Variants in AUTS2 observed in about 807,000 individuals in gnomAD.
The protein encoded by AUTS2 is activator of transcription and developmental regulator AUTS2, also known as autism susceptibility gene 2 protein.
A neutral mutation model predicts 112.4 loss-of-function variants in AUTS2; 17 were observed. The ratio of observed to expected loss-of-function variants is 0.15; its 90% CI spans 0.10 to 0.23. AUTS2 has a LOEUF of 0.23. Among genes scored for constraint, AUTS2 ranks in the 10% least tolerant of loss-of-function variants. The pLI is 1.00. For synonymous variants in AUTS2, 751 were observed against 702.7 expected, an observed-to-expected ratio of 1.07 and a Z score of -1.09; for missense variants, 1,510 against 1,701.6, an observed-to-expected ratio of 0.89 and a Z score of 1.98.
chr7:70,475,087 C>A (rs1034260124), intron 5 of AUTS2, among the ~76,000 whole-genome samples: 5 of 152,210 alleles, frequency 3.3e-5, no homozygotes, highest in Non-Finnish European at 5.9e-5. Flanking sequence ...TGCCCAGGGG[C>A]CTGGCATGTT....
chr7:70,539,414 T>C (rs1179130147), intron 5 of AUTS2, among the ~76,000 whole-genome samples: 1 of 152,188 alleles, frequency 6.6e-6, no homozygotes, highest in African/African-American at 2.4e-5. Context: ...AAAAGCCCTG[T>C]GGAACTAGGT....
chr7:70,492,761 G>A (rs1437534694), intron 5 of AUTS2, among the ~76,000 whole-genome samples: 1 of 152,144 alleles, frequency 6.6e-6, no homozygotes, highest in African/African-American at 2.4e-5. Context: ...CAAGACGAAA[G>A]GCCTTGGCTT....
At chr7:70,560,429 A>G (rs1029948506) in intron 5 of AUTS2, among the ~76,000 whole-genome samples, 2 of 152,252 alleles carry the variant, frequency 1.3e-5, no homozygotes, top group Non-Finnish European at 2.9e-5. Flanking sequence ...ATGGTCTTCC[A>G]TTGGAAAATC....
chr7:70,242,398 T>G (rs1812664594), intron 4 of AUTS2, among the ~76,000 whole-genome samples: 1 of 152,222 alleles, frequency 6.6e-6, no homozygotes, highest in Admixed American at 6.5e-5. Flanking sequence ...TTCTGTTTCT[T>G]CCTTCTTCCA....
At chr7:70,062,457 G>A (rs1342055714) in intron 2 of AUTS2, among the ~76,000 whole-genome samples, 2 of 150,274 alleles carry the variant, frequency 1.3e-5, no homozygotes, top group Non-Finnish European at 2.9e-5. Context: ...AGGTTGCAGT[G>A]AGCCAAGATC....
chr7:69,881,457 A>G (rs1794043441), intron 1 of AUTS2, among the ~76,000 whole-genome samples: 1 of 151,934 alleles, frequency 6.6e-6, no homozygotes, highest in Non-Finnish European at 1.5e-5. Context: ...CTATTTTTGT[A>G]TGCATTTATT....
chr7:70,352,759 G>A (rs927125606), intron 4 of AUTS2, among the ~76,000 whole-genome samples: 3 of 152,080 alleles, frequency 2.0e-5, no homozygotes, highest in African/African-American at 7.2e-5. Flanking sequence ...GAAATGCTTC[G>A]TTTAAAAAAA....
rs1218880744 is a variant in AUTS2, at chr7:69,972,670, CATGTGTGT to C, written c.522+73173_522+73180del. 2.9e-4 allele frequency among the ~76,000 whole-genome samples: 32 copies of C among 111,642 alleles called. No homozygotes were observed. In the South Asian group the frequency reaches 5.2e-3, roughly 18 times the overall value. The allele number at this position is 111,642 out of a possible 152,430, so 73.2% of individuals were successfully genotyped here. A position where few individuals can be genotyped will look rare whatever the true frequency, so the allele number is the denominator to read the frequency against. On this transcript the variant is annotated intron_variant, in intron 2 of 18. Transcript: ENST00000342771. ...GTTTTTCTTTGTGTGTGTGTGCGTGCATGTGTGTGTGTGTGTGTGTGTGTGTGTGTGCA... is the reference window on the plus strand; with the variant it reads ...GTTTTTCTTTGTGTGTGTGTGCGTGCGTGTGTGTGTGTGTGTGTGTGTGCA...
At chr7:70,052,269 A>G (rs1482629221) in intron 2 of AUTS2, among the ~76,000 whole-genome samples, 6 of 152,162 alleles carry the variant, frequency 3.9e-5, no homozygotes, top group Non-Finnish European at 1.5e-5. Context: ...TTCCAGGTAC[A>G]TTGATATAGA....
At chr7:69,779,023 A>G (rs1789021228) in intron 1 of AUTS2, among the ~76,000 whole-genome samples, 1 of 143,882 alleles carries the variant, frequency 7.0e-6, no homozygotes, top group Non-Finnish European at 1.5e-5. Flanking sequence ...AGAAAGTACT[A>G]CACATAGTTG....
At chr7:70,387,894 C>T (rs1034739902) in intron 4 of AUTS2, among the ~76,000 whole-genome samples, 4 of 152,292 alleles carry the variant, frequency 2.6e-5, no homozygotes, top group African/African-American at 4.8e-5. Flanking sequence ...CCTCCTTCAA[C>T]ACATATGTCA....
chr7:70,538,827 G>A (rs375697892), intron 5 of AUTS2, among the ~76,000 whole-genome samples: 14 of 152,140 alleles, frequency 9.2e-5, no homozygotes, highest in African/African-American at 3.1e-4. Context: ...TCATAGATAT[G>A]TTCTTTTCGT....
At chr7:69,918,540 T>C (rs1795682169) in intron 2 of AUTS2, among the ~76,000 whole-genome samples, 1 of 152,248 alleles carries the variant, frequency 6.6e-6, no homozygotes. Context: ...AAGTTAATAC[T>C]GAAATGAAAA....
intron 4 of AUTS2, among the ~76,000 whole-genome samples, chr7:70,184,081 A>T (rs2129581362): frequency 6.6e-6 from 1 of 152,190 alleles, no homozygotes; most frequent in Admixed American, 6.5e-5. Flanking sequence ...GAGGCCCAAG[A>T]GTTAGTACCT....
chr7:70,249,126 G>A (rs1813079238), intron 4 of AUTS2, among the ~76,000 whole-genome samples: 2 of 152,172 alleles, frequency 1.3e-5, no homozygotes, highest in Admixed American at 6.5e-5. Context: ...AATATAAGGT[G>A]TTATTTAATT....
chr7:70,353,312 T>A (rs558485420), intron 4 of AUTS2, among the ~76,000 whole-genome samples: 1 of 152,192 alleles, frequency 6.6e-6, no homozygotes, highest in Non-Finnish European at 1.5e-5. Context: ...CATGAAAAAT[T>A]TGAAATTAAT....
At chr7:69,993,606 T>C (rs1459040093) in intron 2 of AUTS2, among the ~76,000 whole-genome samples, 3 of 152,062 alleles carry the variant, frequency 2.0e-5, no homozygotes, top group Admixed American at 2.0e-4. Flanking sequence ...TAGTGGTGTG[T>C]ACCTGTGGTA....
At chr7:70,549,162 T>C (rs1209995814) in intron 5 of AUTS2, among the ~76,000 whole-genome samples, 1 of 152,222 alleles carries the variant, frequency 6.6e-6, no homozygotes, top group Admixed American at 6.5e-5. Flanking sequence ...AAATTTCTTT[T>C]TCCAATTGTT....
At position 70,424,177 on chromosome 7, in the gene AUTS2, G is replaced by A. The variant is rs568257092; in HGVS notation, c.661-11575G>A. Among the ~76,000 whole-genome samples, 5 of 152,214 alleles carry A rather than the reference G, an allele frequency of 3.3e-5. No homozygotes were observed. In the South Asian group the frequency reaches 8.3e-4, roughly 25 times the overall value. On this transcript the variant is annotated intron_variant, in intron 4 of 18. Coordinates refer to ENST00000342771, the MANE Select transcript of AUTS2 (RefSeq NM_015570.4). ...GGAGGGGGTCAGAATTTGAACCTAC[G>A]TCAGCCTCAGACTGAATGAGCACTT...
Sources: allele counts gnomAD v4.1 joint callset (sites outside exome capture counted in the v4.1 genomes callset), GRCh38; gene constraint gnomAD v4.1.1; transcripts MANE v1.5; gene names NCBI Gene and HGNC (gene_info 2026-07-23, HGNC 2026-07-21).